The following UNC13C variants were observed in gnomAD, a reference collection of about 807,000 sequenced individuals.
UNC13C encodes protein unc-13 homolog C.
UNC13C carries 174 observed loss-of-function variants against 245.4 expected under a neutral mutation model. That is an observed-to-expected ratio of 0.71 (90% CI 0.63 to 0.80). UNC13C has a LOEUF of 0.80. UNC13C is among the 30% of genes least tolerant of loss of function. The pLI, the probability that UNC13C is intolerant of heterozygous loss-of-function variation, is 0.00. For synonymous variants in UNC13C, 992 were observed against 895.1 expected, an observed-to-expected ratio of 1.11 and a Z score of -1.93; for missense variants, 2,829 against 2,602.9, an observed-to-expected ratio of 1.09 and a Z score of -1.89.
chr15:54,145,926 A>G (rs375188384), intron 4 of UNC13C, among the ~76,000 whole-genome samples: 4 of 152,162 alleles, frequency 2.6e-5, no homozygotes, highest in African/African-American at 9.7e-5. Context: ...TGCATTTCGA[A>G]TAGATCTTTC....
At chr15:54,004,722 CATT>C (rs1318986331) in intron 1 of UNC13C, among the ~76,000 whole-genome samples, 5 of 152,320 alleles carry the variant, frequency 3.3e-5, no homozygotes, top group South Asian at 4.1e-4. Context: ...CGAGGTATCT[CATT>C]GTAGTTTTGA....
chr15:54,234,939 T>C, intron 4 of UNC13C, 91 bp from the exon 5 acceptor site: 1 of 1,150,328 alleles, frequency 8.7e-7, no homozygotes, highest in South Asian at 1.4e-5. Flanking sequence ...AGGTCATCTT[T>C]TTCACAGACT....
chr15:54,108,036 A>G (rs1024583929), intron 2 of UNC13C, among the ~76,000 whole-genome samples: 3 of 152,174 alleles, frequency 2.0e-5, no homozygotes, highest in African/African-American at 7.2e-5. Flanking sequence ...TACTTTAGAG[A>G]GAAAAGTTTT....
intron 2 of UNC13C, among the ~76,000 whole-genome samples, chr15:54,025,366 G>T (rs1480890119): frequency 6.6e-6 from 1 of 152,064 alleles, no homozygotes; most frequent in Non-Finnish European, 1.5e-5. Flanking sequence ...GCTTAATACT[G>T]GGTAACATTT....
intron 4 of UNC13C, among the ~76,000 whole-genome samples, chr15:54,171,300 C>A (rs1488635547): frequency 6.6e-6 from 1 of 151,962 alleles, no homozygotes; most frequent in African/African-American, 2.4e-5. Flanking sequence ...AAACAATCAG[C>A]AAAGTGAAGA....
At chr15:54,205,010 C>T (rs1596002320) in intron 4 of UNC13C, among the ~76,000 whole-genome samples, 1 of 152,072 alleles carries the variant, frequency 6.6e-6, no homozygotes, top group African/African-American at 2.4e-5. Context: ...TACCATCAGA[C>T]TTCCGTAATC....
In UNC13C at chr15:54,095,836, A is replaced by G. The variant is rs1400720425; in HGVS notation, c.2984-47182A>G. 2.6e-5 allele frequency among the ~76,000 whole-genome samples: 4 copies of G among 152,364 alleles called. No homozygotes were observed. In the East Asian group the frequency reaches 5.8e-4, roughly 22 times the overall value. ...TACTTAGTGTCTCATAGAAAGGATT[A>G]GTATATATTAGTAGTTCCATGGGAT... On this transcript the variant is annotated intron_variant, in intron 2 of 32. Transcript: ENST00000260323.
At position 54,473,213 on chromosome 15, in the gene UNC13C, AT is replaced by A. The variant is rs1299523942; in HGVS notation, c.4934-21391del. Among the ~76,000 whole-genome samples the A allele has an allele frequency of 2.3e-5, 3 of 133,044 alleles. No individual in the cohort carries two copies. The Admixed American group carries it at 2.3e-4, about 10-fold the overall frequency. The allele number at this position is 133,044 out of a possible 152,430, so 87.3% of individuals were successfully genotyped here. ...GATTATTTTATTGATTATTTATTTT[AT>A]TTTATTTTATTTTATTGATACATAA... is the stretch of plus-strand genomic sequence containing the variant. On this transcript the variant is annotated intron_variant, in intron 19 of 32. Transcript: ENST00000260323.
chr15:54,115,301 G>A (rs1357636707), intron 2 of UNC13C, among the ~76,000 whole-genome samples: 1 of 152,056 alleles, frequency 6.6e-6, no homozygotes, highest in East Asian at 1.9e-4. Flanking sequence ...TTTGAGAAAG[G>A]AAGCTAATAT....
At chr15:54,188,190 A>G (rs1474873176) in intron 4 of UNC13C, among the ~76,000 whole-genome samples, 1 of 152,128 alleles carries the variant, frequency 6.6e-6, no homozygotes, top group African/African-American at 2.4e-5. Flanking sequence ...ACGGGATTGA[A>G]TACATTCTTA....
rs1254027673 is a variant in UNC13C at position 54,322,161 on chromosome 15, T to A, written c.4425+66T>A. ...ATGGGAGTTACATTTCAAGAGACTTTGAACTTAAGATATTCCTGGAATCTT... is the reference window on the plus strand; with the variant it reads ...ATGGGAGTTACATTTCAAGAGACTTAGAACTTAAGATATTCCTGGAATCTT... On this transcript the variant is annotated intron_variant, in intron 14 of 32. Coordinates refer to ENST00000260323, the MANE Select transcript of UNC13C (RefSeq NM_001080534.3). The A allele has an allele frequency of 1.3e-5, 18 of 1,410,376 alleles. No individual in the cohort carries two copies. In the South Asian group the frequency reaches 1.8e-4, roughly 14 times the overall value. The allele number at this position is 1,410,376 out of a possible 1,614,324, so 87.4% of individuals were successfully genotyped here.
At chr15:54,152,857 GAAA>G (rs778816230) in intron 4 of UNC13C, among the ~76,000 whole-genome samples, 335 of 145,560 alleles carry the variant, frequency 2.3e-3, no homozygotes, top group Middle Eastern at 0.011. Context: ...GTCTTAGAGA[GAAA>G]AAAAAAAGAG....
chr15:54,419,403 A>G (rs72734779), intron 19 of UNC13C, among the ~76,000 whole-genome samples: 12,046 of 152,184 alleles, frequency 0.079, 586 homozygotes, highest in Non-Finnish European at 0.12. Context: ...GGGTGCTCTG[A>G]TACTATTAGA....
intron 4 of UNC13C, among the ~76,000 whole-genome samples, chr15:54,199,894 G>T (rs578111228): frequency 6.6e-6 from 1 of 152,166 alleles, no homozygotes; most frequent in South Asian, 2.1e-4. Flanking sequence ...AAAAGATACA[G>T]AATGGCTGAA....
At chr15:54,181,220 C>G (rs897572186) in intron 4 of UNC13C, among the ~76,000 whole-genome samples, 1 of 151,946 alleles carries the variant, frequency 6.6e-6, no homozygotes, top group African/African-American at 2.4e-5. Flanking sequence ...CTGCATATGG[C>G]TACCTAGTTA....
chr15:54,004,346 T>G (rs1427550462), intron 1 of UNC13C, among the ~76,000 whole-genome samples: 1 of 152,228 alleles, frequency 6.6e-6, no homozygotes, highest in Non-Finnish European at 1.5e-5. Context: ...ATCTCATTAT[T>G]CTTTTTACGG....
chr15:54,071,787 T>C (rs1224093186), intron 2 of UNC13C, among the ~76,000 whole-genome samples: 2 of 152,218 alleles, frequency 1.3e-5, no homozygotes, highest in Non-Finnish European at 2.9e-5. Flanking sequence ...GTTGCTGTAA[T>C]GGCAGCGTTG....
At chr15:53,848,434 A>G in the UNC13C span, among the ~76,000 whole-genome samples, 4 of 152,116 alleles carry the variant, frequency 2.6e-5, no homozygotes, top group Admixed American at 1.3e-4. Flanking sequence ...ACCTTTTCAT[A>G]GATAGTATTC....
At chr15:54,524,531 T>G (rs1002711317) in intron 24 of UNC13C, among the ~76,000 whole-genome samples, 31 of 152,220 alleles carry the variant, frequency 2.0e-4, no homozygotes, top group African/African-American at 6.8e-4. Flanking sequence ...AACTTAGAGC[T>G]ACCCAGCTGC....
Sources: allele counts gnomAD v4.1 joint callset (sites outside exome capture counted in the v4.1 genomes callset), GRCh38; gene constraint gnomAD v4.1.1; transcripts MANE v1.5; gene names NCBI Gene and HGNC (gene_info 2026-07-23, HGNC 2026-07-21).